The following CHEK2 variants were observed in gnomAD, a reference collection of about 807,000 sequenced individuals.
The protein encoded by CHEK2 is serine/threonine-protein kinase Chk2.
Under a neutral mutation model 69.1 loss-of-function variants are expected in CHEK2, and 71 were observed. The observed-to-expected ratio is 1.03, with a 90% CI of 0.85 to 1.25. CHEK2 has a LOEUF of 1.25. CHEK2 is among the 50% of genes most tolerant of loss of function. The pLI is 0.00. For missense variants in CHEK2, 664 were observed against 649.6 expected, an observed-to-expected ratio of 1.02 and a Z score of -0.24; for synonymous variants, 189 against 226.9, an observed-to-expected ratio of 0.83 and a Z score of 1.50.
intron 2 of CHEK2, among the ~76,000 whole-genome samples, chr22:28,728,691 G>A (rs2054091449): frequency 6.6e-6 from 1 of 152,058 alleles, no homozygotes; most frequent in East Asian, 1.9e-4. Context: ...GACAGAGAGA[G>A]AGACTCTGTC....
At chr22:28,718,341 G>A (rs1352369651) in intron 5 of CHEK2, among the ~76,000 whole-genome samples, 2 of 152,108 alleles carry the variant, frequency 1.3e-5, no homozygotes, top group Non-Finnish European at 2.9e-5. Context: ...AAGTAAATTA[G>A]TACAGCCATT....
At chr22:28,723,803 G>A (rs1258238389) in intron 4 of CHEK2, among the ~76,000 whole-genome samples, 1 of 151,490 alleles carries the variant, frequency 6.6e-6, no homozygotes, top group Admixed American at 6.6e-5. Flanking sequence ...CAAAAAATTA[G>A]CCAGGCGTGG....
At chr22:28,719,924 C>T (rs757883568) in intron 4 of CHEK2, among the ~76,000 whole-genome samples, 19 of 152,104 alleles carry the variant, frequency 1.2e-4, no homozygotes, top group Non-Finnish European at 2.4e-4. Flanking sequence ...CCATCAGTAT[C>T]ACCATACGGG....
intron 13 of CHEK2, among the ~76,000 whole-genome samples, chr22:28,691,432 C>T (rs1457123884): frequency 6.6e-6 from 1 of 152,220 alleles, no homozygotes; most frequent in African/African-American, 2.4e-5. Flanking sequence ...GAGCTGAGAT[C>T]ACACCATTGC....
chr22:28,716,524 G>A (rs937123292), intron 5 of CHEK2, among the ~76,000 whole-genome samples: 3 of 152,008 alleles, frequency 2.0e-5, no homozygotes, highest in Non-Finnish European at 2.9e-5. Context: ...AGGGTTTGAC[G>A]GTTAGATTCC....
chr22:28,713,286 A>T (rs2053469758), intron 5 of CHEK2, among the ~76,000 whole-genome samples: 1 of 152,220 alleles, frequency 6.6e-6, no homozygotes, highest in East Asian at 1.9e-4. Flanking sequence ...AGCATAAGCA[A>T]CAAAAGAAAA....
rs774175654 is a variant in CHEK2, at chr22:28,689,187, TC to T, written c.1489del (p.Asp497IlefsTer16). 14 of 1,593,714 alleles carry T rather than the reference TC, an allele frequency of 8.8e-6. No homozygotes were observed. Among genetic ancestry groups the T allele is most frequent in the African/African-American group, 2.7e-5 (2 of 74,758 alleles). Reference sequence around the variant, plus strand: ...GGATTCATTTTCCTCAGACAGAAGATCTTGAAACTTTCTCTTCATGTCTTCA... The same window carrying T: ...GGATTCATTTTCCTCAGACAGAAGATTTGAAACTTTCTCTTCATGTCTTCA... ...QDEDMKRKFQ[D>X]LLSEENESTA... On this transcript the variant is annotated frameshift_variant, in exon 14 of 15. Coordinates refer to ENST00000404276, the MANE Select transcript of CHEK2 (RefSeq NM_007194.4). LOFTEE classifies it high-confidence loss of function.
chr22:28,702,230 TCTA>T (rs1230178162), intron 8 of CHEK2, among the ~76,000 whole-genome samples: 1 of 126,298 alleles, frequency 7.9e-6, no homozygotes, highest in Admixed American at 8.5e-5. Context: ...ACTTTCTTTC[TCTA>T]TTTTTTTTTT....
Position 28,736,700 on chromosome 22 carries a change from G to A in CHEK2, c.-6-1973C>T, listed in dbSNP as rs1375183722. 2.0e-5 allele frequency among the ~76,000 whole-genome samples: 3 copies of A among 152,150 alleles called. 1 individual carries two copies. The highest frequency in any genetic ancestry group is 2.0e-4 in the Admixed American group (3 of 15,268). ...CATACCTGTAATCCCAGCACTTTGG[G>A]AGGCCAAGGCAAGAGGACCACTTGA... is the stretch of plus-strand genomic sequence containing the variant. On this transcript the variant is annotated intron_variant, in intron 1 of 14. Coordinates refer to ENST00000404276, the MANE Select transcript of CHEK2 (RefSeq NM_007194.4).
intron 5 of CHEK2, among the ~76,000 whole-genome samples, chr22:28,715,271 G>C (rs2053549783): frequency 6.6e-6 from 1 of 152,108 alleles, no homozygotes; most frequent in East Asian, 1.9e-4. Context: ...TAGAGCCCTG[G>C]TGACACTGCA....
At chr22:28,690,870 G>A (rs1202048666) in intron 13 of CHEK2, among the ~76,000 whole-genome samples, 2 of 150,298 alleles carry the variant, frequency 1.3e-5, no homozygotes, top group Admixed American at 6.7e-5. Context: ...ATGGAGGAGA[G>A]GGGAGGGGGA....
intron 13 of CHEK2, among the ~76,000 whole-genome samples, chr22:28,690,058 G>A (rs2052299841): frequency 6.6e-6 from 1 of 152,184 alleles, no homozygotes; most frequent in African/African-American, 2.4e-5. Flanking sequence ...CAGACCCAGA[G>A]TTATCTGATT....
At chr22:28,737,325 T>A (rs1346814033) in intron 1 of CHEK2, 2 of 470,892 alleles carry the variant, frequency 4.2e-6, no homozygotes, top group South Asian at 1.6e-5. Context: ...ATCTTTCACC[T>A]TTTCAGTAAA....
intron 8 of CHEK2, among the ~76,000 whole-genome samples, chr22:28,702,176 G>A (rs2052892949): frequency 1.2e-5 from 1 of 85,758 alleles, no homozygotes; most frequent in Admixed American, 1.2e-4. Context: ...TGTGTGTTTT[G>A]TACAGATGGG....
At position 28,696,808 on chromosome 22, in the gene CHEK2, T is replaced by C. The variant is rs1470341007; in HGVS notation, c.1095+93A>G. 23 of 814,656 alleles carry C rather than the reference T, an allele frequency of 2.8e-5. No individual in the cohort carries two copies. The Middle Eastern group carries it at 1.7e-3, about 59-fold the overall frequency. The allele number at this position is 814,656 out of a possible 1,614,324, so 50.5% of individuals were successfully genotyped here. On this transcript the variant is annotated intron_variant, in intron 10 of 14. Coordinates refer to ENST00000404276, the MANE Select transcript of CHEK2 (RefSeq NM_007194.4). Reference sequence around the variant, plus strand: ...TAACAGTGAAAGGGTCAGATTCTCATCCTTTTTACGCTCCCACTTTTTATT... The same window carrying C: ...TAACAGTGAAAGGGTCAGATTCTCACCCTTTTTACGCTCCCACTTTTTATT...
intron 4 of CHEK2, among the ~76,000 whole-genome samples, chr22:28,721,898 T>C (rs1208641635): frequency 6.6e-6 from 1 of 151,900 alleles, no homozygotes; most frequent in African/African-American, 2.4e-5. Context: ...GCCCAGCTAA[T>C]TTTTTTATGT....
At chr22:28,737,298 T>G (rs149978393) in intron 1 of CHEK2, 8 of 479,146 alleles carry the variant, frequency 1.7e-5, no homozygotes, top group African/African-American at 6.0e-5. Context: ...ATTTTTTTAT[T>G]TCCATATTAA....
rs925300966 is a variant in CHEK2, at chr22:28,741,701, T to C, written c.-7+68A>G. 4.6e-5 allele frequency: 11 copies of C among 241,616 alleles called. No individual in the cohort carries two copies. The Admixed American group carries it at 5.7e-4, about 13-fold the overall frequency. 15.0% of individuals were successfully genotyped at this position (241,616 alleles called of 1,614,324 possible). ...CAAAGCGAAGCTCAGGAGACTCCGT[T>C]CGCACAAAACGCTTAAGATGGGATT... is the stretch of plus-strand genomic sequence containing the variant. On this transcript the variant is annotated intron_variant, in intron 1 of 14. Transcript: ENST00000404276.
At chr22:28,718,535 C>T (rs1485768333) in intron 5 of CHEK2, among the ~76,000 whole-genome samples, 1 of 152,094 alleles carries the variant, frequency 6.6e-6, no homozygotes, top group Non-Finnish European at 1.5e-5. Flanking sequence ...ACCAAAGTGT[C>T]CATAAATGAA....
Sources: gnomAD v4.1 joint callset for allele counts (sites outside exome capture counted in the v4.1 genomes callset) on GRCh38, gnomAD v4.1.1 for gene constraint, MANE v1.5 for transcripts, NCBI Gene and HGNC (gene_info 2026-07-23, HGNC 2026-07-21) for gene names.